NAT2: variants seen among roughly 807,000 people sequenced by gnomAD.
NAT2 encodes arylamine N-acetyltransferase 2.
For synonymous variants in NAT2, 137 were observed against 125.9 expected, an observed-to-expected ratio of 1.09 and a Z score of -0.59; for missense variants, 428 against 339.1, an observed-to-expected ratio of 1.26 and a Z score of -2.06.
chr8:18,388,504 C>CAAAAAAAAAAA (rs11390514), upstream of NAT2, among the ~76,000 whole-genome samples: 3 of 78,482 alleles, frequency 3.8e-5, no homozygotes, highest in East Asian at 3.8e-4. Flanking sequence ...AGATAATAAG[C>CAAAAAAAAAAA]AAAAAAAAAA....
upstream of NAT2, among the ~76,000 whole-genome samples, chr8:18,390,356 G>GAA (rs1800572872): frequency 6.6e-6 from 1 of 152,146 alleles, no homozygotes; most frequent in African/African-American, 2.4e-5. Flanking sequence ...TAGAGTAGTA[G>GAA]AAAGTTAAGA....
chr8:18,393,220 T>C (rs1038580698), intron 1 of NAT2, among the ~76,000 whole-genome samples: 3 of 151,940 alleles, frequency 2.0e-5, no homozygotes, highest in Non-Finnish European at 4.4e-5. Flanking sequence ...TTTGGGGAGA[T>C]TTAAGTTAGA....
intron 1 of NAT2, among the ~76,000 whole-genome samples, chr8:18,398,845 C>T (rs989212563): frequency 6.6e-6 from 1 of 152,140 alleles, no homozygotes; most frequent in African/African-American, 2.4e-5. Context: ...AAGCTTTGGT[C>T]CTAGAGCTGT....
Position 18,400,350 on chromosome 8 carries a change from G to A in NAT2, c.347G>A (p.Gly116Asp). ...CTTCTCCTGCAGGTGACCATTGACG[G>A]CAGGAATTACATTGTCGATGCTGGG... ...VHLLLQVTID[G>D]RNYIVDAGSG... Residue 116 changes from glycine (G) to aspartate (D), a missense_variant, in exon 2 of 2, where the codon GGC (glycine) becomes GAC (aspartate). Coordinates refer to ENST00000286479, the MANE Select transcript of NAT2 (RefSeq NM_000015.3). 6.2e-7 allele frequency: 1 copy of A among 1,612,954 alleles called. No homozygotes were observed.
upstream of NAT2, among the ~76,000 whole-genome samples, chr8:18,390,964 G>T (rs145171640): frequency 6.6e-6 from 1 of 152,204 alleles, no homozygotes; most frequent in African/African-American, 2.4e-5. Context: ...TATTGGTTCT[G>T]CTGTTCCTTG....
At chr8:18,390,645 A>T (rs919260154), upstream of NAT2, among the ~76,000 whole-genome samples, 7 of 152,116 alleles carry the variant, frequency 4.6e-5, no homozygotes, top group Non-Finnish European at 7.4e-5. Context: ...TTCATTAAAT[A>T]TGGTGTGGAT....
chr8:18,392,719 T>G (rs1004312207), intron 1 of NAT2, among the ~76,000 whole-genome samples: 1 of 152,186 alleles, frequency 6.6e-6, no homozygotes, highest in East Asian at 1.9e-4. Flanking sequence ...AACTTGAGAA[T>G]GAAGACCCAA....
At chr8:18,397,241 A>G (rs1427077641) in intron 1 of NAT2, among the ~76,000 whole-genome samples, 1 of 152,286 alleles carries the variant, frequency 6.6e-6, no homozygotes, top group Admixed American at 6.5e-5. Context: ...ATAATATAAG[A>G]CAAATAGAAA....
chr8:18,400,303 A>G lies in NAT2; in HGVS notation c.300A>G (p.Lys100=). The G allele has an allele frequency of 6.2e-7, 1 of 1,613,850 alleles. No individual in the cohort carries two copies. Among genetic ancestry groups the G allele is most frequent in the Non-Finnish European group, 8.5e-7 (1 of 1,179,902 alleles). Residue 100 remains lysine (K), a synonymous_variant, in exon 2 of 2, where the codon AAA becomes AAG. Transcript: ENST00000286479. ...ATTTTTACATCCCTCCAGTTAACAA[A>G]TACAGCACTGGCATGGTTCACCTTC... is the stretch of plus-strand genomic sequence containing the variant. ...GGYFYIPPVN[K]YSTGMVHLLL...
intron 1 of NAT2, among the ~76,000 whole-genome samples, chr8:18,392,498 T>TTA (rs1800606896): frequency 6.6e-6 from 1 of 152,176 alleles, no homozygotes; most frequent in South Asian, 2.1e-4. Flanking sequence ...AGTCTAGTCT[T>TTA]TCCACATTCT....
At chr8:18,389,078 C>T (rs552435903), upstream of NAT2, among the ~76,000 whole-genome samples, 1 of 152,342 alleles carries the variant, frequency 6.6e-6, no homozygotes, top group South Asian at 2.1e-4. Context: ...CTCATAGTTT[C>T]CCATGACGGT....
intron 1 of NAT2, among the ~76,000 whole-genome samples, chr8:18,395,441 A>G (rs1800667686): frequency 2.0e-5 from 3 of 152,164 alleles, no homozygotes; most frequent in South Asian, 2.1e-4. Context: ...ATATCACGCA[A>G]TGTTGAAAAA....
At chr8:18,389,530 G>C (rs1286819231), upstream of NAT2, among the ~76,000 whole-genome samples, 1 of 152,200 alleles carries the variant, frequency 6.6e-6, no homozygotes, top group Non-Finnish European at 1.5e-5. Context: ...AAAGAACACT[G>C]AGCTATCATC....
upstream of NAT2, among the ~76,000 whole-genome samples, chr8:18,386,622 G>A (rs1179166920): frequency 1.3e-5 from 2 of 152,232 alleles, no homozygotes; most frequent in Admixed American, 6.5e-5. Context: ...GGACTAAGGC[G>A]GATAATTGGC....
chr8:18,386,906 C>T (rs1800513410), upstream of NAT2, among the ~76,000 whole-genome samples: 1 of 152,242 alleles, frequency 6.6e-6, no homozygotes, highest in Admixed American at 6.5e-5. Flanking sequence ...GGCCTCACAA[C>T]TCAGGTGAGC....
Position 18,391,996 on chromosome 8 carries a change from T to C in NAT2, c.-7+651T>C, listed in dbSNP as rs77066052. Reference sequence around the variant, plus strand: ...TCAACAAATTGCCAATCACAAAATCTTTGAATCCACCTTTGTCCTGTAAGC... The same window carrying C: ...TCAACAAATTGCCAATCACAAAATCCTTGAATCCACCTTTGTCCTGTAAGC... On this transcript the variant is annotated intron_variant, in intron 1 of 1. Coordinates refer to ENST00000286479, the MANE Select transcript of NAT2 (RefSeq NM_000015.3). 4.2e-3 allele frequency among the ~76,000 whole-genome samples: 633 copies of C among 152,318 alleles called. 1 individual carries two copies. The highest frequency in any genetic ancestry group is 0.028 in the East Asian group (144 of 5,184).
Position 18,400,833 on chromosome 8 carries a change from G to A in NAT2, c.830G>A (p.Arg277Lys), listed in dbSNP as rs1434541633. ...LRNIFKISLG[R>K]NLVPKPGDGS... is the part of the protein sequence containing the mutation. ...AATATATTTAAGATTTCCTTGGGGA[G>A]AAATCTCGTGCCCAAACCTGGTGAT... Residue 277 changes from arginine to lysine, a missense_variant, in exon 2 of 2, where the codon AGA (arginine) becomes AAA (lysine). Transcript: ENST00000286479. 1.2e-6 allele frequency: 2 copies of A among 1,607,718 alleles called. No homozygotes were observed. The highest frequency in any genetic ancestry group is 1.7e-6 in the Non-Finnish European group (2 of 1,178,174).
upstream of NAT2, among the ~76,000 whole-genome samples, chr8:18,390,365 G>C (rs990022974): frequency 1.3e-5 from 2 of 152,140 alleles, no homozygotes; most frequent in Non-Finnish European, 2.9e-5. Flanking sequence ...AGAAAGTTAA[G>C]AGTTGTTACT....
chr8:18,393,934 A>G (rs978239824), intron 1 of NAT2, among the ~76,000 whole-genome samples: 4 of 152,222 alleles, frequency 2.6e-5, no homozygotes, highest in African/African-American at 9.6e-5. Flanking sequence ...ATTTTATGAA[A>G]GACATAGTTT....
Sources: allele counts gnomAD v4.1 joint callset (sites outside exome capture counted in the v4.1 genomes callset), GRCh38; gene constraint gnomAD v4.1.1; transcripts MANE v1.5; gene names NCBI Gene and HGNC (gene_info 2026-07-23, HGNC 2026-07-21).